The following LOXHD1 variants were observed in gnomAD, a reference collection of about 807,000 sequenced individuals.
LOXHD1 encodes lipoxygenase homology domain-containing protein 1.
A neutral mutation model predicts 248.2 loss-of-function variants in LOXHD1; 205 were observed. The observed-to-expected ratio is 0.83, with a 90% CI of 0.74 to 0.93. The LOEUF is 0.93. LOXHD1 is among the 40% of genes least tolerant of loss of function. LOXHD1 has a pLI of 0.00. For synonymous variants in LOXHD1, 1,113 were observed against 1,162.8 expected, an observed-to-expected ratio of 0.96 and a Z score of 0.87; for missense variants, 2,930 against 2,971.6, an observed-to-expected ratio of 0.99 and a Z score of 0.33.
At chr18:46,537,454 G>C (rs35249196) in intron 26 of LOXHD1, among the ~76,000 whole-genome samples, 1 of 152,070 alleles carries the variant, frequency 6.6e-6, no homozygotes, top group Admixed American at 6.5e-5. Flanking sequence ...CATTACCTTT[G>C]TTGGGAGGAC....
chr18:46,609,700 C>A (rs143027852), intron 6 of LOXHD1, among the ~76,000 whole-genome samples: 181 of 152,306 alleles, frequency 1.2e-3, no homozygotes, highest in African/African-American at 4.2e-3. Context: ...TATTTTATAT[C>A]TTCTCTGACT....
chr18:46,545,880 C>T (rs1418602336), intron 22 of LOXHD1, among the ~76,000 whole-genome samples: 2 of 151,866 alleles, frequency 1.3e-5, no homozygotes, highest in South Asian at 2.1e-4. Context: ...CCGCCCGCCT[C>T]GGCCTCCCAA....
Position 46,545,309 on chromosome 18 carries a change from T to C in LOXHD1, c.3619+8A>G. Reference sequence around the variant, plus strand: ...TGGGTGAATCTTGGCCCTGCACTGCTTTCTTACCAGTGTCATCCTGTGTGC... The same window carrying C: ...TGGGTGAATCTTGGCCCTGCACTGCCTTCTTACCAGTGTCATCCTGTGTGC... On this transcript the variant is annotated splice_region_variant and intron_variant, in intron 23 of 40. Coordinates refer to ENST00000642948, the MANE Select transcript of LOXHD1 (RefSeq NM_001384474.1). The C allele has an allele frequency of 6.5e-7, 1 of 1,548,150 alleles. No homozygotes were observed. Among genetic ancestry groups the C allele is most frequent in the South Asian group, 1.2e-5 (1 of 83,986 alleles).
chr18:46,572,783 G>C (rs1252162154), intron 14 of LOXHD1, among the ~76,000 whole-genome samples: 1 of 152,096 alleles, frequency 6.6e-6, no homozygotes, highest in Non-Finnish European at 1.5e-5. Flanking sequence ...AAGAAGACAG[G>C]ATAGGCCAGG....
At chr18:46,621,525 G>A (rs938301684) in intron 4 of LOXHD1, among the ~76,000 whole-genome samples, 3 of 152,182 alleles carry the variant, frequency 2.0e-5, no homozygotes, top group Admixed American at 2.0e-4. Context: ...TCAGCTCAGG[G>A]CATCAAGCCT....
At chr18:46,548,718 T>C (rs1378556889) in intron 21 of LOXHD1, among the ~76,000 whole-genome samples, 1 of 149,088 alleles carries the variant, frequency 6.7e-6, no homozygotes, top group Admixed American at 6.7e-5. Flanking sequence ...GGAGACAGAG[T>C]GTGTAGGAAG....
At chr18:46,616,054 C>T (rs1220028425) in intron 5 of LOXHD1, among the ~76,000 whole-genome samples, 1 of 152,080 alleles carries the variant, frequency 6.6e-6, no homozygotes, top group Admixed American at 6.6e-5. Flanking sequence ...TATTTCATCC[C>T]ATTTATTCTC....
At chr18:46,653,968 C>G (rs2039145843) in intron 1 of LOXHD1, among the ~76,000 whole-genome samples, 1 of 152,224 alleles carries the variant, frequency 6.6e-6, no homozygotes, top group Non-Finnish European at 1.5e-5. Flanking sequence ...CTATCATCAT[C>G]ATCACCATTG....
Position 46,560,440 on chromosome 18 carries a change from C to T in LOXHD1, c.2704G>A (p.Val902Met), listed in dbSNP as rs756960512. ...FVDTVWLRHL[V>M]VREVDLTPEE... Reference sequence around the variant, plus strand: ...GGCGTGAGGTCCACCTCCCGCACCACCAGGTGCCGCAGCCACACGGTGTCC... The same window carrying T: ...GGCGTGAGGTCCACCTCCCGCACCATCAGGTGCCGCAGCCACACGGTGTCC... Residue 902 changes from valine (V) to methionine (M), a missense_variant, in exon 19 of 41, where the codon GTG becomes ATG. Val to Met is a conservative substitution (Grantham distance 21). Transcript: ENST00000642948. 3.2e-6 allele frequency: 5 copies of T among 1,545,020 alleles called. No homozygotes were observed. In the South Asian group the frequency reaches 4.8e-5, roughly 15 times the overall value.
At chr18:46,551,344 C>T (rs1281489108) in intron 21 of LOXHD1, among the ~76,000 whole-genome samples, 1 of 151,618 alleles carries the variant, frequency 6.6e-6, no homozygotes, top group Non-Finnish European at 1.5e-5. Context: ...ACCTTGTGAT[C>T]CACCCACCCT....
intron 38 of LOXHD1, among the ~76,000 whole-genome samples, chr18:46,486,332 C>T (rs555902348): frequency 2.0e-5 from 3 of 152,244 alleles, no homozygotes; most frequent in South Asian, 2.1e-4. Context: ...AGATGAGAGA[C>T]GGCCATACCT....
intron 34 of LOXHD1, among the ~76,000 whole-genome samples, chr18:46,514,739 T>G (rs1158650491): frequency 2.0e-5 from 3 of 152,164 alleles, no homozygotes. Context: ...AGAACTCTTT[T>G]GTGACACAAA....
chr18:46,549,249 A>C (rs1353239241), intron 21 of LOXHD1, among the ~76,000 whole-genome samples: 1 of 152,246 alleles, frequency 6.6e-6, no homozygotes, highest in African/African-American at 2.4e-5. Context: ...GGATGATGGA[A>C]GGAAAGAGTA....
intron 37 of LOXHD1, among the ~76,000 whole-genome samples, chr18:46,498,549 T>C (rs1309760211): frequency 6.6e-6 from 1 of 152,202 alleles, no homozygotes; most frequent in Non-Finnish European, 1.5e-5. Context: ...AGAAGAATCC[T>C]TCCTTGTGTC....
chr18:46,523,017 G>C (rs534942813), intron 31 of LOXHD1, among the ~76,000 whole-genome samples: 9 of 151,676 alleles, frequency 5.9e-5, no homozygotes, highest in African/African-American at 2.2e-4. Flanking sequence ...GCACGATCTC[G>C]GCTCACCGCA....
At chr18:46,560,048 T>TCCCCACCCCC in intron 19 of LOXHD1, 35 bp downstream of exon 19, 2 of 1,226,298 alleles carry the variant, frequency 1.6e-6, no homozygotes, top group Non-Finnish European at 2.3e-6. Context: ...GTCTGGCCAC[T>TCCCCACCCCC]CCCTCCCCAC....
intron 6 of LOXHD1, among the ~76,000 whole-genome samples, chr18:46,606,343 C>T (rs12968219): frequency 0.31 from 45,541 of 148,562 alleles, 6,880 homozygotes; most frequent in East Asian, 0.44. Flanking sequence ...TATATATATA[C>T]ACACACACAC....
chr18:46,642,865 CCA>C (rs2038980738), intron 2 of LOXHD1, among the ~76,000 whole-genome samples: 1 of 152,112 alleles, frequency 6.6e-6, no homozygotes, highest in Non-Finnish European at 1.5e-5. Flanking sequence ...CTTGCTGTCC[CCA>C]GTTTATCCCA....
chr18:46,615,288 T>C (rs2038569830), intron 5 of LOXHD1, among the ~76,000 whole-genome samples: 1 of 152,192 alleles, frequency 6.6e-6, no homozygotes, highest in Non-Finnish European at 1.5e-5. Flanking sequence ...GGGCCAGTTT[T>C]TCTCTCCCAG....
Sources: allele counts gnomAD v4.1 joint callset (sites outside exome capture counted in the v4.1 genomes callset), GRCh38; gene constraint gnomAD v4.1.1; transcripts MANE v1.5; gene names NCBI Gene and HGNC (gene_info 2026-07-23, HGNC 2026-07-21).